The following HTT variants were observed in gnomAD, a reference collection of about 807,000 sequenced individuals.
HTT encodes the protein huntingtin.
A neutral mutation model predicts 362.3 loss-of-function variants in HTT; 104 were observed. The observed-to-expected ratio is 0.29, with a 90% CI of 0.24 to 0.34. The LOEUF (loss-of-function observed/expected upper bound fraction) is 0.34. Among genes scored for constraint, HTT ranks in the 10% least tolerant of loss-of-function variants. The pLI is 1.00. For synonymous variants in HTT, 1,577 were observed against 1,548.7 expected, an observed-to-expected ratio of 1.02 and a Z score of -0.43; for missense variants, 3,301 against 3,928.6, an observed-to-expected ratio of 0.84 and a Z score of 4.27.
At chr4:3,164,568 G>C (rs1717605273) in intron 29 of HTT, among the ~76,000 whole-genome samples, 1 of 151,986 alleles carries the variant, frequency 6.6e-6, no homozygotes, top group Non-Finnish European at 1.5e-5. Flanking sequence ...TCTCTTTGTA[G>C]GTCTCTAAGA....
chr4:3,193,289 T>C (rs896525377), intron 40 of HTT, among the ~76,000 whole-genome samples: 1 of 152,274 alleles, frequency 6.6e-6, no homozygotes, highest in Non-Finnish European at 1.5e-5. Context: ...AATAATTTTC[T>C]TGTTTCTTTT....
At chr4:3,136,452 A>C in intron 21 of HTT, 126 bp downstream of exon 21, 1 of 475,034 alleles carries the variant, frequency 2.1e-6, no homozygotes, top group Non-Finnish European at 3.8e-6. Context: ...CATTTCAGCC[A>C]TTCTATTCTT....
Position 3,229,967 on chromosome 4 carries a change from G to A in HTT, c.8190G>A (p.Val2730=), listed in dbSNP as rs779645826. ...MYVTLTELRR[V]HPSEDEILAQ... ...TGACGCTGACAGAACTGCGAAGGGT[G>A]CACCCTTCAGAAGACGAGATCCTCG... The change falls in exon 60 of 67, where the codon GTG becomes GTA. Residue 2730 remains valine (V), a synonymous_variant. Coordinates refer to ENST00000355072, the MANE Select transcript of HTT (RefSeq NM_001388492.1). The A allele has an allele frequency of 8.1e-6, 13 of 1,613,962 alleles. No individual in the cohort carries two copies. The Admixed American group carries it at 8.3e-5, about 10-fold the overall frequency.
intron 2 of HTT, among the ~76,000 whole-genome samples, chr4:3,098,182 C>T (rs987037996): frequency 1.3e-5 from 2 of 152,200 alleles, no homozygotes; most frequent in Non-Finnish European, 2.9e-5. Flanking sequence ...GACCTTTCCT[C>T]AGTTCGTTAT....
Position 3,160,291 on chromosome 4 carries a change from G to T in HTT, c.3763G>T (p.Asp1255Tyr). The change falls in exon 29 of 67, where the codon GAT (aspartate) becomes TAT (tyrosine). Residue 1255 changes from aspartate to tyrosine, a missense_variant. Asp to Tyr is a radical substitution (Grantham distance 160). Transcript: ENST00000355072. ...CCTTCACCTTCCCAAGGTCACGCTG[G>T]ATCTTCAGAACAGCACGGAAAAGTT... is the stretch of plus-strand genomic sequence containing the variant. The part of the protein sequence containing the change: ...ATHANYKVTL[D>Y]LQNSTEKFGG... 6.4e-7 allele frequency: 1 copy of T among 1,550,610 alleles called. No individual in the cohort carries two copies. The highest frequency in any genetic ancestry group is 8.7e-7 in the Non-Finnish European group (1 of 1,145,710).
chr4:3,175,063 C>T lies in HTT; in HGVS notation c.4363C>T (p.Leu1455=). 1.2e-6 allele frequency: 2 copies of T among 1,614,118 alleles called. No individual in the cohort carries two copies. Among genetic ancestry groups the T allele is most frequent in the Non-Finnish European group, 8.5e-7 (1 of 1,179,994 alleles). ...QKQVLDLLAQ[L]VQLRVNYCLL... is the part of the protein sequence containing the mutation. ...GCAGGTTTTAGATTTGCTGGCGCAG[C>T]TGGTTCAGTTACGGGTTAATTACTG... Residue 1455 remains leucine, a synonymous_variant, in exon 33 of 67, where the codon CTG becomes TTG. Transcript: ENST00000355072.
rs528242510 is a variant in HTT at position 3,113,088 on chromosome 4, A to G, written c.748-2216A>G. ...CATGTGTTGAAAAGTGGCACTATCT[A>G]TTCTAAAATACAGTATGCCTCCTCT... On this transcript the variant is annotated intron_variant, in intron 6 of 66. Transcript: ENST00000355072. The G allele has an allele frequency of 5.9e-6, 5 of 851,226 alleles. No homozygotes were observed. The African/African-American group carries it at 7.3e-5, about 12-fold the overall frequency. 52.7% of individuals were successfully genotyped at this position (851,226 alleles called of 1,614,324 possible). A position where few individuals can be genotyped will look rare whatever the true frequency, so the allele number is the denominator to read the frequency against.
intron 64 of HTT, 30 bp from the exon 65 acceptor site, chr4:3,238,417 C>T (rs1721645129): frequency 6.4e-7 from 1 of 1,567,514 alleles, no homozygotes; most frequent in South Asian, 1.2e-5. Context: ...GGAGCTGGTG[C>T]CAGTCTCTGA....
intron 10 of HTT, among the ~76,000 whole-genome samples, chr4:3,124,490 G>A (rs1038824972): frequency 6.6e-6 from 1 of 152,138 alleles, no homozygotes; most frequent in African/African-American, 2.4e-5. Flanking sequence ...TAGGATTAGG[G>A]TGAAAGTAGT....
intron 26 of HTT, among the ~76,000 whole-genome samples, chr4:3,151,932 A>T (rs1184453857): frequency 6.6e-6 from 1 of 151,990 alleles, no homozygotes; most frequent in African/African-American, 2.4e-5. Flanking sequence ...TAAAAAATTT[A>T]ATTTAATTTT....
chr4:3,087,517 A>G (rs1027984918), intron 2 of HTT, among the ~76,000 whole-genome samples: 3 of 152,078 alleles, frequency 2.0e-5, no homozygotes, highest in Non-Finnish European at 4.4e-5. Context: ...TCCTTGCTTG[A>G]TCTTTCTCAC....
In HTT at chr4:3,187,796, A is replaced by G. The variant is rs1348095439; in HGVS notation, c.5135A>G (p.Asn1712Ser). Residue 1712 changes from asparagine (N) to serine (S), a missense_variant, in exon 39 of 67, where the codon AAT becomes AGT. Asn to Ser is a conservative substitution (Grantham distance 46). Transcript: ENST00000355072. Reference protein sequence around the residue: ...SPYLISCTVINRLRDGDSTST... With the variant: ...SPYLISCTVISRLRDGDSTST... ...TATTTAATCTCCTGTACAGTAATTA[A>G]TAGGTTAAGAGATGGGGACAGTACT... is the stretch of plus-strand genomic sequence containing the variant. The G allele has an allele frequency of 6.2e-7, 1 of 1,613,028 alleles. No individual in the cohort carries two copies. Among genetic ancestry groups the G allele is most frequent in the Non-Finnish European group, 8.5e-7 (1 of 1,179,092 alleles).
At chr4:3,170,211 T>A (rs2110229136) in intron 29 of HTT, among the ~76,000 whole-genome samples, 1 of 152,376 alleles carries the variant, frequency 6.6e-6, no homozygotes, top group South Asian at 2.1e-4. Context: ...CTGAGGTTAG[T>A]TGAGTTACAT....
intron 8 of HTT, among the ~76,000 whole-genome samples, chr4:3,119,330 A>G (rs551791892): frequency 3.9e-5 from 6 of 152,354 alleles, no homozygotes; most frequent in African/African-American, 1.4e-4. Context: ...TTGTGATCCA[A>G]GTATGAAGCA....
At chr4:3,079,383 A>G (rs1329058490) in intron 1 of HTT, among the ~76,000 whole-genome samples, 2 of 151,698 alleles carry the variant, frequency 1.3e-5, no homozygotes, top group African/African-American at 4.9e-5. Context: ...CAACCTCACA[A>G]TGTGTTGGGA....
chr4:3,131,312 A>G lies in HTT; in HGVS notation c.2013A>G (p.Gly671=). The G allele has an allele frequency of 6.2e-7, 1 of 1,613,900 alleles. No homozygotes were observed. Among genetic ancestry groups the G allele is most frequent in the Non-Finnish European group, 8.5e-7 (1 of 1,179,882 alleles). ...CTTGCCGCATCAAAGGTGACATTGG[A>G]CAGTCCACTGATGATGACTCTGCAC... ...NKPCRIKGDI[G]QSTDDDSAPL... The change falls in exon 15 of 67, where the codon GGA becomes GGG. Residue 671 remains glycine, a synonymous_variant. Transcript: ENST00000355072.
rs917907941 is a variant in HTT, at chr4:3,074,902, A to C, written c.77A>C (p.Gln26Pro). ...SFQQQQQQQQ[Q>P]QQQQQQQQQQ... Reference sequence around the variant, plus strand: ...CAGCAGCAGCAGCAGCAGCAGCAGCAGCAGCAGCAGCAGCAGCAGCAGCAG... The same window carrying C: ...CAGCAGCAGCAGCAGCAGCAGCAGCCGCAGCAGCAGCAGCAGCAGCAGCAG... The change falls in exon 1 of 67, where the codon CAG (glutamine) becomes CCG (proline). Residue 26 changes from glutamine to proline, a missense_variant. This residue lies in a region of HTT where 12 missense variants were observed against 30.3 expected (regional missense o/e 0.40). Transcript: ENST00000355072. 3.4e-6 allele frequency: 5 copies of C among 1,488,640 alleles called. No individual in the cohort carries two copies. The highest frequency in any genetic ancestry group is 3.0e-5 in the African/African-American group (2 of 67,488). The allele number at this position is 1,488,640 out of a possible 1,614,324, so 92.2% of individuals were successfully genotyped here. A position where few individuals can be genotyped will look rare whatever the true frequency, so the allele number is the denominator to read the frequency against.
chr4:3,175,119 T>G lies in HTT; in HGVS notation c.4407+12T>G. On this transcript the variant is annotated intron_variant, in intron 33 of 66. Transcript: ENST00000355072. ...TGGATTCAGATCAGGTTTGTCACTT[T>G]TATCTTTCATCCATCATACCTGTTC... The G allele has an allele frequency of 6.2e-7, 1 of 1,606,272 alleles. No homozygotes were observed. Among genetic ancestry groups the G allele is most frequent in the South Asian group, 1.1e-5 (1 of 89,486 alleles).
intron 29 of HTT, among the ~76,000 whole-genome samples, chr4:3,162,634 C>A (rs1435233038): frequency 6.6e-6 from 1 of 152,178 alleles, no homozygotes; most frequent in African/African-American, 2.4e-5. Context: ...TTGAAGAGGT[C>A]CTTCACATCC....
Sources: gnomAD v4.1 joint callset for allele counts (sites outside exome capture counted in the v4.1 genomes callset) on GRCh38, gnomAD v4.1.1 for gene constraint, gnomAD v4.1.1 regional missense constraint, MANE v1.5 for transcripts, NCBI Gene and HGNC (gene_info 2026-07-23, HGNC 2026-07-21) for gene names.